Variants in DAB1 observed in about 807,000 individuals in gnomAD.
DAB1 encodes DAB adaptor protein 1.
DAB1 carries 15 observed loss-of-function variants against 64.6 expected under a neutral mutation model. That is an observed-to-expected ratio of 0.23 (90% CI 0.16 to 0.36). DAB1 has a LOEUF of 0.36. DAB1 is among the 10% of genes least tolerant of loss of function. DAB1 has a pLI of 1.00. For missense variants in DAB1, 596 were observed against 706.7 expected (o/e 0.84, Z 1.78); for synonymous variants, 235 against 251.9 (o/e 0.93, Z 0.64).
At chr1:57,145,018 G>A (rs1658978860) in intron 3 of DAB1, among the ~76,000 whole-genome samples, 3 of 152,054 alleles carry the variant, frequency 2.0e-5, no homozygotes. Context: ...ATTTTTGCAG[G>A]AGTTGCAAAA....
At chr1:57,310,216 G>C (rs1379211011) in intron 1 of DAB1, among the ~76,000 whole-genome samples, 3 of 152,148 alleles carry the variant, frequency 2.0e-5, no homozygotes, top group Non-Finnish European at 4.4e-5. Flanking sequence ...CTGGAGGGGA[G>C]TAAGTCTTTT....
chr1:58,195,526 G>A (rs998431702), intron 4 of DAB1, among the ~76,000 whole-genome samples: 9 of 152,182 alleles, frequency 5.9e-5, no homozygotes, highest in Non-Finnish European at 1.0e-4. Flanking sequence ...CAGGATAAAG[G>A]ACACACCTGT....
At chr1:57,709,961 T>C (rs568392205) in intron 6 of DAB1, among the ~76,000 whole-genome samples, 16 of 152,266 alleles carry the variant, frequency 1.1e-4, no homozygotes, top group African/African-American at 3.8e-4. Context: ...TTTCTACTTT[T>C]GCGACTTGAT....
chr1:57,077,651 A>G (rs1652113770), intron 4 of DAB1, among the ~76,000 whole-genome samples: 1 of 152,234 alleles, frequency 6.6e-6, no homozygotes, highest in Admixed American at 6.5e-5. Flanking sequence ...TAAATGAAGT[A>G]TCAAATTGTT....
intron 7 of DAB1, among the ~76,000 whole-genome samples, chr1:57,507,214 G>A (rs1350556907): frequency 2.0e-5 from 3 of 152,086 alleles, no homozygotes; most frequent in African/African-American, 4.8e-5. Flanking sequence ...GACCCTACAT[G>A]AATTTCCTAT....
At chr1:58,517,707 C>A (rs1234273931) in intron 2 of DAB1, among the ~76,000 whole-genome samples, 1 of 152,096 alleles carries the variant, frequency 6.6e-6, no homozygotes, top group African/African-American at 2.4e-5. Flanking sequence ...TAATTACATT[C>A]AATTAATAAA....
intron 3 of DAB1, among the ~76,000 whole-genome samples, chr1:58,405,148 A>G (rs1644603925): frequency 6.6e-6 from 1 of 152,042 alleles, no homozygotes; most frequent in Admixed American, 6.6e-5. Context: ...AAGCCCTTCA[A>G]TCACCTTGGG....
intron 5 of DAB1, among the ~76,000 whole-genome samples, chr1:58,111,412 T>C (rs116253473): frequency 0.017 from 2,614 of 152,328 alleles, 66 homozygotes; most frequent in African/African-American, 0.06. Context: ...TAAAGCTAAA[T>C]TGATTTCATT....
At chr1:57,969,493 G>A (rs546381371) in intron 5 of DAB1, among the ~76,000 whole-genome samples, 13 of 152,118 alleles carry the variant, frequency 8.5e-5, no homozygotes, top group African/African-American at 2.9e-4. Context: ...ATGTTTTGAT[G>A]TAATGTTTGT....
chr1:57,168,049 T>C (rs530861926), intron 2 of DAB1, among the ~76,000 whole-genome samples: 36 of 152,284 alleles, frequency 2.4e-4, no homozygotes, highest in African/African-American at 8.4e-4. Context: ...ATAATATTTC[T>C]AAAATGTCGT....
chr1:58,210,201 C>A (rs1658485994), intron 4 of DAB1, among the ~76,000 whole-genome samples: 1 of 152,188 alleles, frequency 6.6e-6, no homozygotes, highest in African/African-American at 2.4e-5. Context: ...AGATTTGGAT[C>A]TGCATCTGCT....
chr1:57,655,147 C>T (rs777637985), intron 6 of DAB1, among the ~76,000 whole-genome samples: 1 of 152,064 alleles, frequency 6.6e-6, no homozygotes, highest in Non-Finnish European at 1.5e-5. Context: ...TAATTTTATC[C>T]CAAATTTTCA....
intron 5 of DAB1, among the ~76,000 whole-genome samples, chr1:58,051,539 T>G (rs1282448387): frequency 1.3e-5 from 2 of 152,216 alleles, no homozygotes; most frequent in African/African-American, 4.8e-5. Flanking sequence ...GTAGCATGAT[T>G]TATAACCCTT....
chr1:57,256,150 C>A (rs928470585), intron 2 of DAB1, among the ~76,000 whole-genome samples: 26 of 152,170 alleles, frequency 1.7e-4, no homozygotes, highest in African/African-American at 6.3e-4. Flanking sequence ...TCCAAATTAA[C>A]GGCTAATCTC....
chr1:57,667,483 G>A (rs1646461863), intron 6 of DAB1, among the ~76,000 whole-genome samples: 1 of 151,992 alleles, frequency 6.6e-6, no homozygotes, highest in Non-Finnish European at 1.5e-5. Flanking sequence ...CTACTATAAT[G>A]AAACCTTCAG....
At chr1:57,099,395 AG>A (rs2100686327) in intron 4 of DAB1, among the ~76,000 whole-genome samples, 1 of 152,374 alleles carries the variant, frequency 6.6e-6, no homozygotes, top group South Asian at 2.1e-4. Context: ...TAGTAATAGT[AG>A]CTGTAGGGGT....
chr1:57,708,701 C>G (rs141020931), intron 6 of DAB1, among the ~76,000 whole-genome samples: 5 of 152,158 alleles, frequency 3.3e-5, no homozygotes, highest in African/African-American at 1.2e-4. Flanking sequence ...CTGCCCTTTG[C>G]TATGTTCCAC....
intron 7 of DAB1, among the ~76,000 whole-genome samples, chr1:57,521,881 G>T (rs956106586): frequency 6.6e-6 from 1 of 152,096 alleles, no homozygotes; most frequent in Non-Finnish European, 1.5e-5. Context: ...TGGCTGAGGC[G>T]GGCGGATCAC....
At chr1:58,372,988 C>G (rs753034239) in intron 3 of DAB1, among the ~76,000 whole-genome samples, 3 of 151,780 alleles carry the variant, frequency 2.0e-5, no homozygotes, top group Non-Finnish European at 4.4e-5. Context: ...CACATGCACA[C>G]AAGAAAAAAA....
Sources: allele counts gnomAD v4.1 joint callset (sites outside exome capture counted in the v4.1 genomes callset), GRCh38; gene constraint gnomAD v4.1.1; transcripts MANE v1.5; gene names NCBI Gene and HGNC (gene_info 2026-07-23, HGNC 2026-07-21).